Variants in RBBP8 observed in about 807,000 individuals in gnomAD.
RBBP8 encodes DNA endonuclease RBBP8.
Under a neutral mutation model 108.3 loss-of-function variants are expected in RBBP8, and 88 were observed. The ratio of observed to expected loss-of-function variants is 0.81; its 90% CI spans 0.68 to 0.97. The LOEUF is 0.97. Ranked by LOEUF, RBBP8 falls within the 50% of genes least tolerant of loss-of-function variation. The pLI, the probability that RBBP8 is intolerant of heterozygous loss-of-function variation, is 0.00. For missense variants in RBBP8, 1,023 were observed against 1,049.0 expected (o/e 0.98, Z 0.34); for synonymous variants, 332 against 348.2 (o/e 0.95, Z 0.52).
intron 5 of RBBP8, 149 bp from the exon 6 acceptor site, chr18:22,975,004 C>T (rs893246323): frequency 9.0e-6 from 9 of 999,130 alleles, no homozygotes; most frequent in East Asian, 5.8e-5. Flanking sequence ...ATTAGTTTTG[C>T]GCACACTAGT....
At chr18:22,932,479 T>C (rs1216243127), upstream of RBBP8, among the ~76,000 whole-genome samples, 2 of 152,246 alleles carry the variant, frequency 1.3e-5, no homozygotes, top group Non-Finnish European at 2.9e-5. Context: ...GTTATATTTA[T>C]TCATCCCTTA....
Position 22,982,291 on chromosome 18 carries a change from T to G in RBBP8, c.502T>G (p.Phe168Val), listed in dbSNP as rs761066564. ...DVIPDSPITA[F>V]SFSGVNRLRR... Reference sequence around the variant, plus strand: ...TATTCCAGATTCACCGATAACAGCCTTCTCATTTTCTGGCGTTAACCGGCT... The same window carrying G: ...TATTCCAGATTCACCGATAACAGCCGTCTCATTTTCTGGCGTTAACCGGCT... The change falls in exon 7 of 19, where the codon TTC becomes GTC. Residue 168 changes from phenylalanine to valine, a missense_variant. By Grantham distance (50) the Phe-to-Val change is conservative. Transcript: ENST00000327155. 6.2e-7 allele frequency: 1 copy of G among 1,614,182 alleles called. No homozygotes were observed. The highest frequency in any genetic ancestry group is 1.1e-5 in the South Asian group (1 of 91,086).
intron 8 of RBBP8, 97 bp downstream of exon 8, chr18:22,985,087 A>T (rs2144668280): frequency 6.6e-7 from 1 of 1,508,124 alleles, no homozygotes; most frequent in Non-Finnish European, 8.9e-7. Flanking sequence ...TTTTAAAGGT[A>T]TTTTCCATAT....
intron 5 of RBBP8, among the ~76,000 whole-genome samples, chr18:22,972,128 G>T (rs1389795075): frequency 2.0e-5 from 3 of 150,174 alleles, no homozygotes; most frequent in East Asian, 4.2e-4. Context: ...AGCTGAGGTG[G>T]GTGGATCACA....
intron 15 of RBBP8, among the ~76,000 whole-genome samples, chr18:23,005,200 A>G (rs903678858): frequency 3.3e-5 from 5 of 152,008 alleles, no homozygotes; most frequent in African/African-American, 7.2e-5. Flanking sequence ...AATAGAAGGA[A>G]TAAATTGTAG....
chr18:22,982,294 T>C lies in RBBP8; in HGVS notation c.505T>C (p.Ser169Pro), dbSNP rs766723799. 14 of 1,614,202 alleles carry C rather than the reference T, an allele frequency of 8.7e-6. No individual in the cohort carries two copies. In the South Asian group the frequency reaches 1.5e-4, roughly 18 times the overall value. Residue 169 changes from serine to proline, a missense_variant, in exon 7 of 19, where the codon TCA becomes CCA. Physicochemically the swap from Ser to Pro is moderately conservative, Grantham distance 74 (BLOSUM62 -1). Coordinates refer to ENST00000327155, the MANE Select transcript of RBBP8 (RefSeq NM_002894.3). ...VIPDSPITAFSFSGVNRLRRK... is the reference protein window; with the variant it reads ...VIPDSPITAFPFSGVNRLRRK... ...TCCAGATTCACCGATAACAGCCTTC[T>C]CATTTTCTGGCGTTAACCGGCTACG...
intron 2 of RBBP8, among the ~76,000 whole-genome samples, chr18:22,916,552 T>C (rs900129268): frequency 1.3e-5 from 2 of 152,088 alleles, no homozygotes; most frequent in African/African-American, 2.4e-5. Flanking sequence ...GGTAAAATTA[T>C]GTTGTATAGT....
chr18:22,916,787 T>C (rs9967326), intron 2 of RBBP8, among the ~76,000 whole-genome samples: 73,831 of 151,954 alleles, frequency 0.49, 21,247 homozygotes, highest in Middle Eastern at 0.65. Context: ...AACTTGTGGA[T>C]CCCGCTCTCA....
chr18:22,954,648 A>G (rs1912350547), intron 4 of RBBP8, among the ~76,000 whole-genome samples: 2 of 152,026 alleles, frequency 1.3e-5, no homozygotes, highest in South Asian at 4.2e-4. Context: ...GGTCTGGAGG[A>G]TGATGGCCGT....
At chr18:22,923,540 C>T (rs1215316712) in intron 3 of RBBP8, among the ~76,000 whole-genome samples, 1 of 152,200 alleles carries the variant, frequency 6.6e-6, no homozygotes, top group Non-Finnish European at 1.5e-5. Flanking sequence ...CCTTTGAGCA[C>T]AGTGAGTATT....
intron 6 of RBBP8, 102 bp downstream of exon 6, chr18:22,975,321 G>A: frequency 1.4e-6 from 2 of 1,477,406 alleles, no homozygotes; most frequent in Admixed American, 2.3e-5. Flanking sequence ...ATTATGAAGT[G>A]TTCTGTAGTT....
At chr18:23,022,382 C>G (rs2046360349) in intron 18 of RBBP8, 112 bp downstream of exon 18, 1 of 1,048,080 alleles carries the variant, frequency 9.5e-7, no homozygotes, top group African/African-American at 1.6e-5. Context: ...GGGTGGATCA[C>G]CTGAGGTCAG....
intron 2 of RBBP8, among the ~76,000 whole-genome samples, chr18:22,942,396 C>G (rs1223423194): frequency 6.6e-6 from 1 of 152,064 alleles, no homozygotes; most frequent in African/African-American, 2.4e-5. Context: ...AGTATGTGCA[C>G]TGATCACAAC....
At position 22,993,249 on chromosome 18, in the gene RBBP8, A is replaced by C; in HGVS notation, c.1422A>C (p.Pro474=). 1.2e-6 allele frequency: 2 copies of C among 1,614,238 alleles called. No individual in the cohort carries two copies. The highest frequency in any genetic ancestry group is 1.7e-6 in the Non-Finnish European group (2 of 1,180,040). Residue 474 remains proline, a synonymous_variant, in exon 11 of 19, where the codon CCA becomes CCC. Transcript: ENST00000327155. ...ATAAAGAAAATGCTTTCCCTTTTCCAATGGATAATCAGTTTTCCATGAATG... is the reference window on the plus strand; with the variant it reads ...ATAAAGAAAATGCTTTCCCTTTTCCCATGGATAATCAGTTTTCCATGAATG... ...SFDKENAFPF[P]MDNQFSMNGD...
chr18:22,938,545 T>G (rs957820206), intron 2 of RBBP8, among the ~76,000 whole-genome samples: 10 of 152,168 alleles, frequency 6.6e-5, no homozygotes, highest in Non-Finnish European at 1.3e-4. Flanking sequence ...TATGGTCAAA[T>G]TGGTGCTTTT....
intron 2 of RBBP8, among the ~76,000 whole-genome samples, chr18:22,938,469 G>A (rs191345405): frequency 6.6e-6 from 1 of 152,276 alleles, no homozygotes; most frequent in East Asian, 1.9e-4. Flanking sequence ...TTACAGGCGT[G>A]AGCTGCGCCC....
chr18:22,975,013 G>A (rs916839913), intron 5 of RBBP8, 140 bp from the exon 6 acceptor site: 2 of 1,114,894 alleles, frequency 1.8e-6, no homozygotes, highest in African/African-American at 3.2e-5. Flanking sequence ...GCGCACACTA[G>A]TGTTAACCCT....
chr18:22,916,563 G>A (rs1909366505), intron 2 of RBBP8, among the ~76,000 whole-genome samples: 1 of 151,916 alleles, frequency 6.6e-6, no homozygotes, highest in Non-Finnish European at 1.5e-5. Context: ...GTTGTATAGT[G>A]TGTTAATGAA....
Position 22,993,610 on chromosome 18 carries a change from G to A in RBBP8, c.1783G>A (p.Glu595Lys), listed in dbSNP as rs771071004. Residue 595 changes from glutamate (E) to lysine (K), a missense_variant, in exon 11 of 19, where the codon GAG (glutamate) becomes AAG (lysine). By Grantham distance (56) the Glu-to-Lys change is moderately conservative (BLOSUM62 1). Coordinates refer to ENST00000327155, the MANE Select transcript of RBBP8 (RefSeq NM_002894.3). ...KIPLRPRESL[E>K]TENVLDDIKS... ...TCCTCTACGTCCACGTGAAAGTTTG[G>A]AGACTGAGAATGTTTTAGATGACAT... 1.2e-6 allele frequency: 2 copies of A among 1,614,228 alleles called. No individual in the cohort carries two copies. Among genetic ancestry groups the A allele is most frequent in the Non-Finnish European group, 1.7e-6 (2 of 1,180,036 alleles).
Sources: gnomAD v4.1 joint callset for allele counts (sites outside exome capture counted in the v4.1 genomes callset) on GRCh38, gnomAD v4.1.1 for gene constraint, MANE v1.5 for transcripts, NCBI Gene and HGNC (gene_info 2026-07-23, HGNC 2026-07-21) for gene names.